The following MAGEB6 variants were observed in gnomAD, a reference collection of about 807,000 sequenced individuals.
MAGEB6 encodes MAGE family member B6.
For synonymous variants in MAGEB6, 128 were observed against 136.2 expected, an observed-to-expected ratio of 0.94 and a Z score of 0.42; for missense variants, 327 against 329.7, an observed-to-expected ratio of 0.99 and a Z score of 0.06.
At position 26,193,885 on chromosome X, in the gene MAGEB6, G is replaced by C. The variant is rs1175020920; in HGVS notation, c.39G>C (p.Glu13Asp). The stretch of plus-strand genomic sequence containing the variant: ...ACAAGAGTAAGCTCCGTACCTGTGA[G>C]AAACGCCAAGAGACCAATGGTCAGC... ...RGHKSKLRTC[E>D]KRQETNGQPQ... Residue 13 changes from glutamate to aspartate, a missense_variant, in exon 2 of 2, where the codon GAG becomes GAC. Glu to Asp is a conservative substitution (Grantham distance 45). Transcript: ENST00000379034. 1 of 1,183,014 alleles carries C rather than the reference G, an allele frequency of 8.5e-7. No homozygotes were observed. Among genetic ancestry groups the C allele is most frequent in the African/African-American group, 1.8e-5 (1 of 56,012 alleles).
At position 26,194,999 on chromosome X, in the gene MAGEB6, G is replaced by A. The variant is rs192290000; in HGVS notation, c.1153G>A (p.Gly385Ser). The change falls in exon 2 of 2, where the codon GGT becomes AGT. Residue 385 changes from glycine to serine, a missense_variant. Coordinates refer to ENST00000379034, the MANE Select transcript of MAGEB6 (RefSeq NM_173523.2). ...VLADSSNTSP[G>S]LYPHLYEDAL... is the part of the protein sequence containing the mutation. ...GGCCGACAGCAGTAACACCAGTCCCGGTTTATACCCACATCTGTATGAAGA... is the reference window on the plus strand; with the variant it reads ...GGCCGACAGCAGTAACACCAGTCCCAGTTTATACCCACATCTGTATGAAGA... The A allele has an allele frequency of 1.6e-5, 19 of 1,209,357 alleles. No homozygotes were observed. Among genetic ancestry groups the A allele is most frequent in the East Asian group, 3.0e-5 (1 of 33,740 alleles).
chrX:26,194,325 G>A lies in MAGEB6; in HGVS notation c.479G>A (p.Gly160Asp). 1.7e-6 allele frequency: 2 copies of A among 1,212,077 alleles called. No individual in the cohort carries two copies. Among genetic ancestry groups the A allele is most frequent in the Non-Finnish European group, 2.2e-6 (2 of 895,604 alleles). ...GASPTGSPDA[G>D]VSGSKYDVAA... ...TCACCCACTGGCTCGCCTGATGCAG[G>A]TGTTTCAGGCTCAAAATATGATGTG... is the stretch of plus-strand genomic sequence containing the variant. The change falls in exon 2 of 2, where the codon GGT (glycine) becomes GAT (aspartate). Residue 160 changes from glycine (G) to aspartate (D), a missense_variant. By Grantham distance (94) the Gly-to-Asp change is moderately conservative (BLOSUM62 -1). Transcript: ENST00000379034.
At position 26,193,984 on chromosome X, in the gene MAGEB6, C is replaced by T. The variant is rs112103680; in HGVS notation, c.138C>T (p.Arg46=). ...EESHSSSSSS[R]ACLGDCRRSS... is the part of the protein sequence containing the mutation. Reference sequence around the variant, plus strand: ...CCCACTCTTCCTCATCCTCTTCTCGCGCTTGTCTGGGTGATTGTCGTAGGT... The same window carrying T: ...CCCACTCTTCCTCATCCTCTTCTCGTGCTTGTCTGGGTGATTGTCGTAGGT... The change falls in exon 2 of 2, where the codon CGC becomes CGT. Residue 46 remains arginine, a synonymous_variant. Coordinates refer to ENST00000379034, the MANE Select transcript of MAGEB6 (RefSeq NM_173523.2). The T allele has an allele frequency of 6.7e-3, 8,134 of 1,209,830 alleles. 343 individuals are homozygous for T. In the African/African-American group the frequency reaches 0.12, roughly 18 times the overall value.
Position 26,194,043 on chromosome X carries a change from G to A in MAGEB6, c.197G>A (p.Gly66Glu). 8.3e-7 allele frequency: 1 copy of A among 1,211,875 alleles called. No individual in the cohort carries two copies. The highest frequency in any genetic ancestry group is 1.1e-6 in the Non-Finnish European group (1 of 895,514). The change falls in exon 2 of 2, where the codon GGA becomes GAA. Residue 66 changes from glycine (G) to glutamate (E), a missense_variant. Physicochemically the swap from Gly to Glu is moderately conservative, Grantham distance 98. Coordinates refer to ENST00000379034, the MANE Select transcript of MAGEB6 (RefSeq NM_173523.2). Reference protein sequence around the residue: ...SDASIPQESQGVSPTGSPDAV... With the variant: ...SDASIPQESQEVSPTGSPDAV... ...GCCTCCATTCCTCAGGAGTCTCAGG[G>A]AGTGTCACCCACTGGGTCTCCTGAT...
At position 26,194,398 on chromosome X, in the gene MAGEB6, C is replaced by G; in HGVS notation, c.552C>G (p.Ala184=). The G allele has an allele frequency of 2.5e-6, 3 of 1,211,835 alleles. No individual in the cohort carries two copies. The highest frequency in any genetic ancestry group is 3.4e-6 in the Non-Finnish European group (3 of 895,517). Reference sequence around the variant, plus strand: ...AAAGTGTAAGCGCCTCACAGAAAGCCATCATTTTTAAGCGCTTAAGCAAAG... The same window carrying G: ...AAAGTGTAAGCGCCTCACAGAAAGCGATCATTTTTAAGCGCTTAAGCAAAG... ...DEESVSASQK[A]IIFKRLSKDA... The change falls in exon 2 of 2, where the codon GCC becomes GCG. Residue 184 remains alanine (A), a synonymous_variant. Transcript: ENST00000379034.
Position 26,194,097 on chromosome X carries a change from TGGCTGCC to T in MAGEB6, c.252_258del (p.Ala85ThrfsTer92). ...GTTGTTTCATATTCAAAATCCGATG[TGGCTGCC>T]AACGGCCAAGATGAGAAAAGTCCAA... On this transcript the variant is annotated frameshift_variant, in exon 2 of 2. Transcript: ENST00000379034. LOFTEE classifies it low-confidence loss of function (END_TRUNC). The T allele has an allele frequency of 8.3e-7, 1 of 1,203,601 alleles. No individual in the cohort carries two copies.
Position 26,194,283 on chromosome X carries a change from A to G in MAGEB6, c.437A>G (p.Gln146Arg). The G allele has an allele frequency of 8.3e-7, 1 of 1,210,053 alleles. No individual in the cohort carries two copies. Among genetic ancestry groups the G allele is most frequent in the South Asian group, 1.8e-5 (1 of 56,827 alleles). The change falls in exon 2 of 2, where the codon CAG becomes CGG. Residue 146 changes from glutamine (Q) to arginine (R), a missense_variant. Physicochemically the swap from Gln to Arg is conservative, Grantham distance 43 (BLOSUM62 1). Coordinates refer to ENST00000379034, the MANE Select transcript of MAGEB6 (RefSeq NM_173523.2). ...PSTSHDVSVPQESQGASPTGS... is the reference protein window; with the variant it reads ...PSTSHDVSVPRESQGASPTGS... The stretch of plus-strand genomic sequence containing the variant: ...ACTTCCCATGATGTCTCCGTTCCTC[A>G]GGAGTCTCAGGGAGCTTCACCCACT...
Position 26,195,003 on chromosome X carries a change from T to A in MAGEB6, c.1157T>A (p.Leu386Ter). 8.3e-7 allele frequency: 1 copy of A among 1,211,273 alleles called. No homozygotes were observed. Among genetic ancestry groups the A allele is most frequent in the Non-Finnish European group, 1.1e-6 (1 of 895,427 alleles). The change falls in exon 2 of 2, where the codon TTA (leucine) becomes TAA (stop). Residue 386 changes from leucine to a stop codon, truncating the protein, a stop_gained. Transcript: ENST00000379034. LOFTEE classifies it low-confidence loss of function (END_TRUNC). ...GACAGCAGTAACACCAGTCCCGGTT[T>A]ATACCCACATCTGTATGAAGACGCT... ...LADSSNTSPG[L>*]YPHLYEDALI...
rs1334477080 is a variant in MAGEB6, at chrX:26,194,716, G to A, written c.870G>A (p.Ser290=). The part of the protein sequence containing the change: ...NALPKSGLLM[S]LLVVIFMNGN... ...TGCCGAAGTCGGGTCTCCTGATGTC[G>A]CTCCTGGTTGTGATCTTCATGAACG... is the stretch of plus-strand genomic sequence containing the variant. Residue 290 remains serine, a synonymous_variant, in exon 2 of 2, where the codon TCG becomes TCA. Transcript: ENST00000379034. The A allele has an allele frequency of 7.4e-6, 9 of 1,209,294 alleles. No homozygotes were observed. The highest frequency in any genetic ancestry group is 5.3e-5 in the African/African-American group (3 of 56,947).
Position 26,194,227 on chromosome X carries a change from T to G in MAGEB6, c.381T>G (p.Ala127=), listed in dbSNP as rs781571372. 1.0e-5 allele frequency: 12 copies of G among 1,195,842 alleles called. No individual in the cohort carries two copies. The highest frequency in any genetic ancestry group is 1.2e-5 in the Non-Finnish European group (11 of 888,123). Reference sequence around the variant, plus strand: ...TTTCAGGCTCAAAATATGATGTGGCTGCCAACGGCCAAGATGAGAAAAGTC... The same window carrying G: ...TTTCAGGCTCAAAATATGATGTGGCGGCCAACGGCCAAGATGAGAAAAGTC... ...AGVSGSKYDV[A]ANGQDEKSPS... is the part of the protein sequence containing the mutation. Residue 127 remains alanine, a synonymous_variant, in exon 2 of 2, where the codon GCT becomes GCG. Transcript: ENST00000379034.
At chrX:26,193,325 C>T (rs1343498076) in intron 1 of MAGEB6, among the ~76,000 whole-genome samples, 1 of 98,946 alleles carries the variant, frequency 1.0e-5, no homozygotes, top group Non-Finnish European at 2.1e-5. Flanking sequence ...AGGTATATCT[C>T]CTAATGCTAT....
rs141881572 is a variant in MAGEB6 at position 26,195,362 on chromosome X, C to G, written c.*292C>G. Reference sequence around the variant, plus strand: ...GATTATACAATTATCAATAACATAGCTCTCACATTCATGGCTGTTTAACCA... The same window carrying G: ...GATTATACAATTATCAATAACATAGGTCTCACATTCATGGCTGTTTAACCA... On this transcript the variant is annotated 3_prime_UTR_variant, in exon 2 of 2. Coordinates refer to ENST00000379034, the MANE Select transcript of MAGEB6 (RefSeq NM_173523.2). 764 of 263,209 alleles carry G rather than the reference C, an allele frequency of 2.9e-3. 5 individuals are homozygous for G. The highest frequency in any genetic ancestry group is 0.019 in the African/African-American group (684 of 36,483). The allele number at this position is 263,209 out of a possible 1,213,427, so 21.7% of individuals were successfully genotyped here. A position where few individuals can be genotyped will look rare whatever the true frequency, so the allele number is the denominator to read the frequency against.
chrX:26,193,450 G>T (rs1469621054), intron 1 of MAGEB6, among the ~76,000 whole-genome samples: 1 of 103,538 alleles, frequency 9.7e-6, no homozygotes, highest in Non-Finnish European at 2.0e-5. Context: ...GCGGTGTTTG[G>T]TTTTTTGTCC....
At chrX:26,193,754 A>T in intron 1 of MAGEB6, 32 bp from the exon 2 acceptor site, 1 of 1,001,766 alleles carries the variant, frequency 1.0e-6, no homozygotes, top group South Asian at 2.5e-5. Context: ...TCTGCTGAAG[A>T]TATTGACGTG....
chrX:26,193,233 T>G (rs1428722608), intron 1 of MAGEB6, among the ~76,000 whole-genome samples: 1 of 109,327 alleles, frequency 9.1e-6, no homozygotes, highest in Non-Finnish European at 1.9e-5. Context: ...TTAGGGTACA[T>G]GTGCACAATG....
chrX:26,194,033 G>A lies in MAGEB6; in HGVS notation c.187G>A (p.Glu63Lys), dbSNP rs754646470. The A allele has an allele frequency of 9.1e-6, 11 of 1,211,464 alleles. No homozygotes were observed. Among genetic ancestry groups the A allele is most frequent in the Non-Finnish European group, 1.2e-5 (11 of 895,357 alleles). ...GTCTTCTGATGCCTCCATTCCTCAGGAGTCTCAGGGAGTGTCACCCACTGG... is the reference window on the plus strand; with the variant it reads ...GTCTTCTGATGCCTCCATTCCTCAGAAGTCTCAGGGAGTGTCACCCACTGG... ...RRSSDASIPQ[E>K]SQGVSPTGSP... The change falls in exon 2 of 2, where the codon GAG becomes AAG. Residue 63 changes from glutamate to lysine, a missense_variant. By Grantham distance (56) the Glu-to-Lys change is moderately conservative (BLOSUM62 1). Transcript: ENST00000379034.
chrX:26,193,762 G>T, intron 1 of MAGEB6, 24 bp from the exon 2 acceptor site: 2 of 1,033,634 alleles, frequency 1.9e-6, no homozygotes, highest in Non-Finnish European at 2.6e-6. Context: ...AGATATTGAC[G>T]TGACGTCACT....
rs760948138 is a variant in MAGEB6, at chrX:26,194,112, A to G, written c.266A>G (p.Gln89Arg). ...AAATCCGATGTGGCTGCCAACGGCCAAGATGAGAAAAGTCCAAGCACCTCC... is the reference window on the plus strand; with the variant it reads ...AAATCCGATGTGGCTGCCAACGGCCGAGATGAGAAAAGTCCAAGCACCTCC... ...YSKSDVAANG[Q>R]DEKSPSTSRD... Residue 89 changes from glutamine (Q) to arginine (R), a missense_variant, in exon 2 of 2, where the codon CAA becomes CGA. By Grantham distance (43) the Gln-to-Arg change is conservative. Transcript: ENST00000379034. The G allele has an allele frequency of 1.2e-5, 14 of 1,200,457 alleles. No homozygotes were observed. Among genetic ancestry groups the G allele is most frequent in the Non-Finnish European group, 1.6e-5 (14 of 889,864 alleles).
chrX:26,193,686 G>A, intron 1 of MAGEB6, 100 bp from the exon 2 acceptor site: 1 of 470,055 alleles, frequency 2.1e-6, no homozygotes, highest in Non-Finnish European at 3.4e-6. Flanking sequence ...GGTTCCTAGA[G>A]CAGCTGTTCT....
Sources: gnomAD v4.1 joint callset for allele counts (sites outside exome capture counted in the v4.1 genomes callset) on GRCh38, gnomAD v4.1.1 for gene constraint, MANE v1.5 for transcripts, NCBI Gene and HGNC (gene_info 2026-07-23, HGNC 2026-07-21) for gene names.